Variants in COG5 observed in about 807,000 individuals in gnomAD.
COG5 encodes conserved oligomeric Golgi complex subunit 5.
COG5 carries 86 observed loss-of-function variants against 110.4 expected under a neutral mutation model. The observed-to-expected ratio is 0.78, with a 90% CI of 0.65 to 0.93. The LOEUF (loss-of-function observed/expected upper bound fraction) is 0.93. Among genes scored for constraint, COG5 ranks in the 40% least tolerant of loss-of-function variants. The pLI, the probability that COG5 is intolerant of heterozygous loss-of-function variation, is 0.00. For missense variants in COG5, 1,077 were observed against 987.0 expected, an observed-to-expected ratio of 1.09 and a Z score of -1.22; for synonymous variants, 360 against 334.6, an observed-to-expected ratio of 1.08 and a Z score of -0.83.
chr7:107,491,609 T>G (rs1797978154), intron 6 of COG5, among the ~76,000 whole-genome samples: 1 of 152,116 alleles, frequency 6.6e-6, no homozygotes, highest in South Asian at 2.1e-4. Flanking sequence ...AATAAAATAG[T>G]TTACAAAACT....
intron 5 of COG5, among the ~76,000 whole-genome samples, chr7:107,547,808 G>C (rs1007246492): frequency 3.3e-5 from 5 of 151,330 alleles, no homozygotes; most frequent in African/African-American, 1.2e-4. Context: ...AAAAAAGTTA[G>C]AAATAAATTT....
At chr7:107,454,860 A>C (rs1458492170) in intron 6 of COG5, among the ~76,000 whole-genome samples, 1 of 152,176 alleles carries the variant, frequency 6.6e-6, no homozygotes, top group Non-Finnish European at 1.5e-5. Flanking sequence ...ATCTGTACTT[A>C]ATATTTTGCC....
At position 107,305,665 on chromosome 7, in the gene COG5, A is replaced by G. The variant is rs187137070; in HGVS notation, c.1109-7319T>C. On this transcript the variant is annotated intron_variant, in intron 11 of 21. Coordinates refer to ENST00000297135, the MANE Select transcript of COG5 (RefSeq NM_006348.5). ...GTCTCATCTGAAGAGTCAACTGGGGAAGGATCTGCTTCCAAGCTCTTGTGG... is the reference window on the plus strand; with the variant it reads ...GTCTCATCTGAAGAGTCAACTGGGGGAGGATCTGCTTCCAAGCTCTTGTGG... 2.0e-3 allele frequency among the ~76,000 whole-genome samples: 303 copies of G among 152,074 alleles called. 2 individuals carry two copies. The highest frequency in any genetic ancestry group is 6.9e-3 in the African/African-American group (286 of 41,486).
chr7:107,388,787 T>G (rs1320637760), intron 7 of COG5, among the ~76,000 whole-genome samples: 1 of 152,152 alleles, frequency 6.6e-6, no homozygotes, highest in Admixed American at 6.5e-5. Context: ...GTCCTCTTTG[T>G]GTTCCAGCAT....
chr7:107,488,539 T>A (rs987392785), intron 6 of COG5, among the ~76,000 whole-genome samples: 8 of 152,252 alleles, frequency 5.3e-5, no homozygotes, highest in Admixed American at 2.6e-4. Flanking sequence ...TATCAATTAT[T>A]TGGTTTAAGC....
intron 17 of COG5, among the ~76,000 whole-genome samples, chr7:107,237,301 G>A (rs1801271439): frequency 6.6e-6 from 1 of 152,140 alleles, no homozygotes; most frequent in South Asian, 2.1e-4. Context: ...ACCAGCTGAT[G>A]CTCCATGAAA....
chr7:107,255,080 C>G (rs979156157), intron 16 of COG5, among the ~76,000 whole-genome samples: 3 of 151,846 alleles, frequency 2.0e-5, no homozygotes, highest in East Asian at 3.9e-4. Context: ...TATGAGGGCA[C>G]AAAGTAAAAT....
intron 7 of COG5, among the ~76,000 whole-genome samples, chr7:107,383,179 C>T (rs1428100243): frequency 2.0e-5 from 3 of 152,176 alleles, no homozygotes; most frequent in Admixed American, 1.3e-4. Context: ...ATCATTTTCT[C>T]TCCCTTTTTG....
In COG5 at chr7:107,236,454, G is replaced by A. The variant is rs758736135; in HGVS notation, c.2087C>T (p.Ala696Val). 2 of 1,611,224 alleles carry A rather than the reference G, an allele frequency of 1.2e-6. No individual in the cohort carries two copies. Among genetic ancestry groups the A allele is most frequent in the Admixed American group, 3.3e-5 (2 of 60,010 alleles). Residue 696 changes from alanine (A) to valine (V), a missense_variant, in exon 18 of 22, where the codon GCA (alanine) becomes GTA (valine). Transcript: ENST00000297135. ...GGKMRLAADF[A>V]QMELAVGPFC... The stretch of plus-strand genomic sequence containing the variant: ...TGTAGTAATTCATCAATGTACCTGT[G>A]CAAAATCAGCAGCAAGTCGCATTTT...
intron 11 of COG5, among the ~76,000 whole-genome samples, chr7:107,300,182 C>T (rs2116928534): frequency 6.6e-6 from 1 of 151,900 alleles, no homozygotes; most frequent in South Asian, 2.1e-4. Flanking sequence ...AGGAACACAC[C>T]CTTAACCTAA....
intron 6 of COG5, among the ~76,000 whole-genome samples, chr7:107,448,023 G>GCA (rs1436113541): frequency 2.0e-5 from 3 of 152,104 alleles, no homozygotes; most frequent in Non-Finnish European, 2.9e-5. Context: ...GGGCGTGGTG[G>GCA]CACACGCTTG....
At chr7:107,544,836 T>G (rs1308277736) in intron 5 of COG5, among the ~76,000 whole-genome samples, 1 of 152,188 alleles carries the variant, frequency 6.6e-6, no homozygotes, top group Non-Finnish European at 1.5e-5. Context: ...AAAATAATCA[T>G]CTTTTAAAAA....
At chr7:107,470,813 GT>G in intron 6 of COG5, among the ~76,000 whole-genome samples, 1 of 152,016 alleles carries the variant, frequency 6.6e-6, no homozygotes, top group South Asian at 2.1e-4. Flanking sequence ...TTTATGTTAA[GT>G]TTATTATTTG....
At chr7:107,231,138 C>A (rs927721282) in intron 18 of COG5, among the ~76,000 whole-genome samples, 1 of 151,992 alleles carries the variant, frequency 6.6e-6, no homozygotes, top group Non-Finnish European at 1.5e-5. Context: ...TATCAGCATT[C>A]CAAATGCTGA....
chr7:107,433,743 A>T (rs1162026586), intron 6 of COG5, among the ~76,000 whole-genome samples: 1 of 152,182 alleles, frequency 6.6e-6, no homozygotes, highest in East Asian at 1.9e-4. Flanking sequence ...TAAAGGAAAA[A>T]TTTCATGGCA....
Position 107,210,518 on chromosome 7 carries a change from G to A in COG5, c.2375+8C>T. ...CCAGATGGGTGCCCCCAGAGCACCT[G>A]GCTTTACCTGATGAGGAGGAGCCTG... On this transcript the variant is annotated splice_region_variant and intron_variant, in intron 21 of 21. Coordinates refer to ENST00000297135, the MANE Select transcript of COG5 (RefSeq NM_006348.5). 1.3e-6 allele frequency: 2 copies of A among 1,591,358 alleles called. No homozygotes were observed. The highest frequency in any genetic ancestry group is 1.7e-6 in the Non-Finnish European group (2 of 1,168,798).
intron 18 of COG5, 111 bp from the exon 19 acceptor site, chr7:107,230,802 G>C: frequency 1.2e-6 from 1 of 824,962 alleles, no homozygotes; most frequent in Non-Finnish European, 2.1e-6. Context: ...ATTTTATCTG[G>C]ACTGTAAGGC....
rs1798387158 is a variant in COG5, at chr7:107,202,277, C to A, written c.*1239G>T. Reference sequence around the variant, plus strand: ...GGCAGACTTTGCACTTACTGCAGTGCAACACTTGCACTTTAATTTTCCTCC... The same window carrying A: ...GGCAGACTTTGCACTTACTGCAGTGAAACACTTGCACTTTAATTTTCCTCC... On this transcript the variant is annotated 3_prime_UTR_variant, in exon 22 of 22. Coordinates refer to ENST00000297135, the MANE Select transcript of COG5 (RefSeq NM_006348.5). 3 of 152,596 alleles carry A rather than the reference C, an allele frequency of 2.0e-5. No homozygotes were observed. Among genetic ancestry groups the A allele is most frequent in the Non-Finnish European group, 4.4e-5 (3 of 68,038 alleles). The allele number at this position is 152,596 out of a possible 1,614,324, so 9.5% of individuals were successfully genotyped here.
intron 18 of COG5, among the ~76,000 whole-genome samples, chr7:107,235,782 T>C (rs947956248): frequency 2.0e-5 from 3 of 152,198 alleles, no homozygotes; most frequent in Non-Finnish European, 4.4e-5. Context: ...AATGAAAGCA[T>C]GTTTGGGGTT....
Sources: gnomAD v4.1 joint callset for allele counts (sites outside exome capture counted in the v4.1 genomes callset) on GRCh38, gnomAD v4.1.1 for gene constraint, MANE v1.5 for transcripts, NCBI Gene and HGNC (gene_info 2026-07-23, HGNC 2026-07-21) for gene names.